ATRNL1: variants seen among roughly 807,000 people sequenced by gnomAD.
ATRNL1 encodes attractin-like protein 1.
In ATRNL1, 95 loss-of-function variants were observed where a neutral mutation model predicts 182.7. The ratio of observed to expected loss-of-function variants is 0.52; its 90% confidence interval spans 0.44 to 0.62. The LOEUF is 0.62. Ranked by LOEUF, ATRNL1 falls within the 20% of genes least tolerant of loss-of-function variation. The pLI, the probability that ATRNL1 is intolerant of heterozygous loss-of-function variation, is 0.00. For synonymous variants in ATRNL1, 576 were observed against 568.3 expected (o/e 1.01, Z -0.19); for missense variants, 1,471 against 1,679.5 (o/e 0.88, Z 2.17).
intron 20 of ATRNL1, among the ~76,000 whole-genome samples, chr10:115,407,649 T>C (rs575431833): frequency 1.9e-3 from 296 of 152,342 alleles, no homozygotes; most frequent in African/African-American, 6.8e-3. Flanking sequence ...CTTAGGTTGA[T>C]TACATATCTT....
At chr10:115,917,481 A>AAAAG (rs1555117651) in intron 28 of ATRNL1, among the ~76,000 whole-genome samples, 1 of 8,408 alleles carries the variant, frequency 1.2e-4, no homozygotes. Context: ...AAAAAAAAAA[A>AAAAG]AAAAGAAAAA....
chr10:115,503,523 A>G (rs933070286), intron 24 of ATRNL1, among the ~76,000 whole-genome samples: 1 of 148,126 alleles, frequency 6.8e-6, no homozygotes, highest in Admixed American at 6.6e-5. Flanking sequence ...TGTTAAAAAC[A>G]AATTAAAATC....
At chr10:115,635,738 C>T (rs1592984607) in intron 26 of ATRNL1, among the ~76,000 whole-genome samples, 3 of 152,012 alleles carry the variant, frequency 2.0e-5, no homozygotes, top group Non-Finnish European at 2.9e-5. Flanking sequence ...TCAAAATGCC[C>T]GTCAGTAGTA....
intron 28 of ATRNL1, among the ~76,000 whole-genome samples, chr10:115,916,554 A>G (rs1267065801): frequency 1.3e-5 from 2 of 152,224 alleles, no homozygotes; most frequent in African/African-American, 2.4e-5. Context: ...CATGGACTAT[A>G]TAGGTTATAG....
chr10:115,749,729 AATG>A (rs1186802248), intron 27 of ATRNL1, among the ~76,000 whole-genome samples: 1 of 151,818 alleles, frequency 6.6e-6, no homozygotes, highest in African/African-American at 2.4e-5. Context: ...ATTATTTTGG[AATG>A]GAAAGAGAGA....
chr10:115,389,097 C>T (rs185509152), intron 19 of ATRNL1, among the ~76,000 whole-genome samples: 278 of 152,208 alleles, frequency 1.8e-3, no homozygotes, highest in African/African-American at 6.1e-3. Context: ...AATCATCATT[C>T]TACTTTCTTC....
chr10:115,942,031 G>C (rs570070305), intron 28 of ATRNL1, among the ~76,000 whole-genome samples: 3 of 152,104 alleles, frequency 2.0e-5, no homozygotes, highest in Non-Finnish European at 4.4e-5. Flanking sequence ...ACCCTTAAAA[G>C]GTAAATCTGT....
At chr10:115,624,282 A>G (rs148618544) in intron 26 of ATRNL1, among the ~76,000 whole-genome samples, 2 of 152,136 alleles carry the variant, frequency 1.3e-5, no homozygotes, top group East Asian at 1.9e-4. Context: ...CTCCTAAAAT[A>G]CTTTGCAACT....
At position 115,528,073 on chromosome 10, in the gene ATRNL1, T is replaced by TTC. The variant is rs1565133603; in HGVS notation, c.3716+8749_3716+8750insTC. Among the ~76,000 whole-genome samples the TTC allele has an allele frequency of 1.7e-3, 41 of 24,166 alleles. 5 individuals carry two copies. The highest frequency in any genetic ancestry group is 3.6e-3 in the African/African-American group (37 of 10,338). The allele number at this position is 24,166 out of a possible 152,430, so 15.9% of individuals were successfully genotyped here. A position where few individuals can be genotyped will look rare whatever the true frequency, so the allele number is the denominator to read the frequency against. ...TCCTTCCTTCCTTCCTTCCTTCCTT[T>TTC]CCCTTCTCATTTCTAAAAATAATCT... is the stretch of plus-strand genomic sequence containing the variant. On this transcript the variant is annotated intron_variant, in intron 25 of 28. Coordinates refer to ENST00000355044, the MANE Select transcript of ATRNL1 (RefSeq NM_207303.4).
chr10:115,393,093 C>T (rs919744648), intron 19 of ATRNL1, among the ~76,000 whole-genome samples: 2 of 152,082 alleles, frequency 1.3e-5, no homozygotes, highest in Admixed American at 1.3e-4. Context: ...GGACAGACAA[C>T]CACTCCCTTG....
intron 24 of ATRNL1, among the ~76,000 whole-genome samples, chr10:115,497,112 C>A (rs1849586899): frequency 6.6e-6 from 1 of 152,082 alleles, no homozygotes; most frequent in Non-Finnish European, 1.5e-5. Context: ...GAGAACCAGT[C>A]TAAAAGCTCT....
chr10:115,336,353 T>G (rs942789236), intron 19 of ATRNL1, among the ~76,000 whole-genome samples: 1 of 152,158 alleles, frequency 6.6e-6, no homozygotes, highest in African/African-American at 2.4e-5. Context: ...TCCACAAAAT[T>G]TAGGGTCTAC....
At chr10:115,411,882 T>C (rs1845158353) in intron 20 of ATRNL1, among the ~76,000 whole-genome samples, 1 of 152,140 alleles carries the variant, frequency 6.6e-6, no homozygotes, top group Admixed American at 6.5e-5. Context: ...TTTTATATTA[T>C]AAAATTCTAT....
chr10:115,132,293 G>A (rs558338053), intron 5 of ATRNL1, among the ~76,000 whole-genome samples: 47 of 152,242 alleles, frequency 3.1e-4, no homozygotes, highest in African/African-American at 1.1e-3. Context: ...GTATTCCATG[G>A]TGTATTTGTG....
intron 18 of ATRNL1, among the ~76,000 whole-genome samples, chr10:115,325,573 T>C (rs1453225297): frequency 3.9e-5 from 6 of 152,184 alleles, no homozygotes; most frequent in African/African-American, 1.4e-4. Context: ...GCATCATATA[T>C]AGACCATGTC....
intron 27 of ATRNL1, among the ~76,000 whole-genome samples, chr10:115,799,779 G>A (rs1189023753): frequency 2.0e-5 from 3 of 152,116 alleles, no homozygotes; most frequent in Non-Finnish European, 4.4e-5. Context: ...AATTTCTGGG[G>A]CACTACTTAT....
At chr10:115,551,828 G>A (rs1853009734) in intron 26 of ATRNL1, among the ~76,000 whole-genome samples, 3 of 151,362 alleles carry the variant, frequency 2.0e-5, no homozygotes, top group African/African-American at 7.3e-5. Flanking sequence ...CTTATCCATA[G>A]TTTCAGTTAG....
At chr10:115,638,690 T>A (rs111946144) in intron 26 of ATRNL1, among the ~76,000 whole-genome samples, 76 of 152,328 alleles carry the variant, frequency 5.0e-4, no homozygotes, top group African/African-American at 1.8e-3. Flanking sequence ...ATGGCGAATT[T>A]TATGGTATGT....
At chr10:115,341,483 A>C (rs1217163829) in intron 19 of ATRNL1, among the ~76,000 whole-genome samples, 1 of 152,108 alleles carries the variant, frequency 6.6e-6, no homozygotes, top group Admixed American at 6.5e-5. Flanking sequence ...TGTATTCTGC[A>C]GCTGTTGGAT....
Sources: gnomAD v4.1 joint callset for allele counts (sites outside exome capture counted in the v4.1 genomes callset) on GRCh38, gnomAD v4.1.1 for gene constraint, MANE v1.5 for transcripts, NCBI Gene and HGNC (gene_info 2026-07-23, HGNC 2026-07-21) for gene names.